The following TRAPPC2L variants were observed in gnomAD, a reference collection of about 807,000 sequenced individuals.
The protein encoded by TRAPPC2L is trafficking protein particle complex subunit 2L.
Under a neutral mutation model 13.2 loss-of-function variants are expected in TRAPPC2L, and 17 were observed. The ratio of observed to expected loss-of-function variants is 1.29; its 90% confidence interval spans 0.88 to 1.93. The LOEUF is 1.93. Ranked by LOEUF, TRAPPC2L falls within the 30% of genes most tolerant of loss-of-function variation. The pLI is 0.00. For missense variants in TRAPPC2L, 359 were observed against 252.1 expected (o/e 1.42, Z -2.87); for synonymous variants, 150 against 98.1 (o/e 1.53, Z -3.12).
At chr16:88,861,312 A>C in exon 4 of TRAPPC2L, 2 of 379,634 alleles carry the variant, frequency 5.3e-6, no homozygotes, top group South Asian at 4.4e-5. Flanking sequence ...TGGGTCACCC[A>C]CTGGCTGAAC....
At chr16:88,860,520 A>G (rs1597629220) in exon 4 of TRAPPC2L, 1 of 597,702 alleles carries the variant, frequency 1.7e-6, no homozygotes, top group Non-Finnish European at 3.0e-6. Flanking sequence ...AGGACGCTGC[A>G]GTGATCCAAG....
exon 4 of TRAPPC2L, chr16:88,860,749 C>T (rs1028917663): frequency 2.5e-5 from 18 of 730,824 alleles, no homozygotes; most frequent in Admixed American, 2.0e-4. Flanking sequence ...TCTCAGTGCC[C>T]GGTGGGGTGG....
exon 4 of TRAPPC2L, chr16:88,862,195 CCG>C (rs1968431837): frequency 6.5e-6 from 1 of 153,674 alleles, no homozygotes; most frequent in Non-Finnish European, 1.5e-5. Context: ...TCACTCCTGC[CCG>C]AGTCCTGGCT....
chr16:88,859,610 C>A (rs1342620320), intron 2 of TRAPPC2L, 53 bp from the exon 3 acceptor site: 3 of 1,533,754 alleles, frequency 2.0e-6, no homozygotes, highest in Non-Finnish European at 2.7e-6. Flanking sequence ...CCACAGAGGG[C>A]CCTCCACCGG....
intron 2 of TRAPPC2L, chr16:88,859,061 C>T: frequency 2.0e-6 from 1 of 510,398 alleles, no homozygotes; most frequent in South Asian, 2.1e-5. Context: ...GACACTTCTG[C>T]TTTGTACCTG....
exon 4 of TRAPPC2L, chr16:88,860,877 C>A: frequency 6.4e-7 from 1 of 1,573,756 alleles, no homozygotes; most frequent in South Asian, 1.2e-5. Context: ...GGTGGAGGGC[C>A]TGGCTCTCCT....
chr16:88,859,614 C>G, intron 2 of TRAPPC2L, 49 bp from the exon 3 acceptor site: 1 of 1,565,336 alleles, frequency 6.4e-7, no homozygotes, highest in East Asian at 2.2e-5. Flanking sequence ...AGAGGGCCCT[C>G]CACCGGCAGT....
chr16:88,861,014 C>G (rs912622561), exon 4 of TRAPPC2L: 15 of 1,534,546 alleles, frequency 9.8e-6, no homozygotes, highest in Non-Finnish European at 1.3e-5. Context: ...GTGGTGGGGC[C>G]GTCGGTCTGT....
chr16:88,859,653 A>T lies in TRAPPC2L; in HGVS notation c.207-10A>T, dbSNP rs1245045680. 1 of 1,613,734 alleles carries T rather than the reference A, an allele frequency of 6.2e-7. No individual in the cohort carries two copies. Among genetic ancestry groups the T allele is most frequent in the South Asian group, 1.1e-5 (1 of 91,084 alleles). On this transcript the variant is annotated splice_polypyrimidine_tract_variant and intron_variant, in intron 2 of 3. Coordinates refer to ENST00000565504, the Ensembl canonical transcript of TRAPPC2L. ...TGTGTTACGAGTGCCTTCCCTAACC[A>T]GCTGTGCAGATACGGCTACGTCACC... is the stretch of plus-strand genomic sequence containing the variant.
Position 88,858,155 on chromosome 16 carries a change from T to C in TRAPPC2L, c.34-464T>C, listed in dbSNP as rs140394439. On this transcript the variant is annotated intron_variant, in intron 1 of 3. Transcript: ENST00000565504. ...GCTGTTAATTCTGGGCTTCCAATGG[T>C]CAGAAATGCAGAGATGAAGGGAATT... 2.3e-3 allele frequency among the ~76,000 whole-genome samples: 350 copies of C among 152,180 alleles called. 2 individuals carry two copies. The highest frequency in any genetic ancestry group is 7.6e-3 in the African/African-American group (314 of 41,508).
chr16:88,857,097 C>T (rs1018825548), upstream of TRAPPC2L: 98 of 1,549,724 alleles, frequency 6.3e-5, no homozygotes, highest in African/African-American at 1.2e-3. Flanking sequence ...CTTTGGAGGC[C>T]GCGTGACCAG....
exon 4 of TRAPPC2L, chr16:88,861,602 G>A (rs1215909049): frequency 2.1e-6 from 1 of 481,446 alleles, no homozygotes; most frequent in African/African-American, 2.0e-5. Flanking sequence ...CTGCCTGTTG[G>A]TGCTGAGGGG....
At chr16:88,861,882 A>C (rs12597391) in exon 4 of TRAPPC2L, 10 of 297,728 alleles carry the variant, frequency 3.4e-5, no homozygotes, top group Non-Finnish European at 6.1e-5. Context: ...TTCTTGATAC[A>C]TATTTGCCTT....
exon 4 of TRAPPC2L, chr16:88,861,659 C>G (rs1374935156): frequency 2.0e-6 from 1 of 498,844 alleles, no homozygotes; most frequent in Admixed American, 2.1e-5. Context: ...CCACCCAGGG[C>G]AGCGGCCGAG....
chr16:88,856,473 G>A, upstream of TRAPPC2L: 1 of 700,182 alleles, frequency 1.4e-6, no homozygotes, highest in Non-Finnish European at 2.6e-6. Context: ...ACGCTGTCCC[G>A]GTCATGCAGC....
chr16:88,856,359 G>A (rs1967879357), upstream of TRAPPC2L: 1 of 701,926 alleles, frequency 1.4e-6, no homozygotes, highest in Non-Finnish European at 2.6e-6. Context: ...TCCCTTTGGG[G>A]AGGCCACGCT....
At chr16:88,857,818 T>A (rs753798245) in intron 1 of TRAPPC2L, among the ~76,000 whole-genome samples, 15 of 152,180 alleles carry the variant, frequency 9.9e-5, no homozygotes, top group Non-Finnish European at 2.1e-4. Context: ...ACATTTCAAC[T>A]GGAAAGCATT....
At chr16:88,859,466 T>C in intron 2 of TRAPPC2L, 197 bp from the exon 3 acceptor site, 1 of 706,644 alleles carries the variant, frequency 1.4e-6, no homozygotes, top group Non-Finnish European at 2.6e-6. Context: ...TGCCTGCTCT[T>C]CGCTTCTCCT....
At chr16:88,858,333 C>T (rs1968121891) in intron 1 of TRAPPC2L, among the ~76,000 whole-genome samples, 2 of 152,132 alleles carry the variant, frequency 1.3e-5, no homozygotes, top group Non-Finnish European at 2.9e-5. Flanking sequence ...TGCCCAGGTG[C>T]CAGGCTTGAT....
Sources: allele counts gnomAD v4.1 joint callset (sites outside exome capture counted in the v4.1 genomes callset), GRCh38; gene constraint gnomAD v4.1.1; transcripts MANE v1.5; gene names NCBI Gene and HGNC (gene_info 2026-07-23, HGNC 2026-07-21).